The following SNX11 variants were observed in gnomAD, a reference collection of about 807,000 sequenced individuals.
The protein encoded by SNX11 is sorting nexin-11.
SNX11 carries 19 observed loss-of-function variants against 30.7 expected under a neutral mutation model. The ratio of observed to expected loss-of-function variants is 0.62; its 90% CI spans 0.43 to 0.91. The LOEUF (loss-of-function observed/expected upper bound fraction) is 0.91, where lower values mean the gene tolerates loss of function less well. SNX11 is among the 40% of genes least tolerant of loss of function. The pLI is 0.00. For missense variants in SNX11, 302 were observed against 326.7 expected (o/e 0.92, Z 0.58); for synonymous variants, 112 against 119.0 (o/e 0.94, Z 0.38).
chr17:48,108,369 A>G (rs73332963), intron 1 of SNX11, among the ~76,000 whole-genome samples: 3 of 152,328 alleles, frequency 2.0e-5, no homozygotes, highest in Non-Finnish European at 2.9e-5. Flanking sequence ...TACCTGTGAT[A>G]TTTATAATTG....
chr17:48,122,396 TG>T lies in SNX11; in HGVS notation c.*892del, dbSNP rs1476957725. The T allele has an allele frequency of 6.5e-6, 1 of 153,390 alleles. No homozygotes were observed. The highest frequency in any genetic ancestry group is 2.4e-5 in the African/African-American group (1 of 41,446). 9.5% of individuals were successfully genotyped at this position (153,390 alleles called of 1,614,324 possible). A position where few individuals can be genotyped will look rare whatever the true frequency, so the allele number is the denominator to read the frequency against. On this transcript the variant is annotated 3_prime_UTR_variant, in exon 7 of 7. Transcript: ENST00000359238. ...GTCTCTGCTGTGTTGCGCAGTGCAG[TG>T]GGGTGCAAGGGCTTTGTTTCTGCCT...
Position 48,118,686 on chromosome 17 carries a change from T to C in SNX11, c.231-18T>C. On this transcript the variant is annotated intron_variant, in intron 4 of 6. Coordinates refer to ENST00000359238, the MANE Select transcript of SNX11 (RefSeq NM_013323.3). ...GATGTTACACTTATCATGGGTGTTA[T>C]ATCATGTGGCTGCACAGGCCTGTTC... 1.3e-6 allele frequency: 2 copies of C among 1,589,956 alleles called. No homozygotes were observed. The highest frequency in any genetic ancestry group is 8.6e-7 in the Non-Finnish European group (1 of 1,158,570).
chr17:48,112,473 A>G (rs1598330761), intron 2 of SNX11, 101 bp from the exon 3 acceptor site: 2 of 736,398 alleles, frequency 2.7e-6, no homozygotes, highest in Non-Finnish European at 4.8e-6. Flanking sequence ...GTTGGTGTTG[A>G]GTGAATGAAA....
At chr17:48,111,789 G>A (rs1225698248) in intron 1 of SNX11, among the ~76,000 whole-genome samples, 1 of 152,208 alleles carries the variant, frequency 6.6e-6, no homozygotes, top group Non-Finnish European at 1.5e-5. Context: ...CACGCTTTGG[G>A]GAGAGGTGGC....
At chr17:48,114,918 C>T (rs936418816) in intron 4 of SNX11, among the ~76,000 whole-genome samples, 1 of 151,522 alleles carries the variant, frequency 6.6e-6, no homozygotes, top group African/African-American at 2.4e-5. Context: ...CCACCCATCT[C>T]CACCTCCCAA....
intron 6 of SNX11, among the ~76,000 whole-genome samples, chr17:48,119,879 C>T (rs1006365395): frequency 6.6e-6 from 1 of 152,140 alleles, no homozygotes; most frequent in African/African-American, 2.4e-5. Flanking sequence ...TTCATCACCC[C>T]GAAAGAAACC....
chr17:48,118,823 C>T (rs1459079218), intron 5 of SNX11, 24 bp downstream of exon 5: 1 of 1,602,622 alleles, frequency 6.2e-7, no homozygotes, highest in Non-Finnish European at 8.5e-7. Flanking sequence ...ACGGCTGGTG[C>T]TGGCCACCAA....
upstream of SNX11, chr17:48,107,626 C>T (rs1257714783): frequency 6.6e-6 from 1 of 152,332 alleles, no homozygotes; most frequent in Non-Finnish European, 1.5e-5. Context: ...CGACTCCAGT[C>T]CGGGGCCTTG....
chr17:48,112,940 G>A, intron 3 of SNX11: 1 of 262,886 alleles, frequency 3.8e-6, no homozygotes, highest in Non-Finnish European at 7.4e-6. Flanking sequence ...GTTTCATCAT[G>A]TTGGCCAGGC....
intron 1 of SNX11, among the ~76,000 whole-genome samples, chr17:48,109,426 AT>A (rs754278136): frequency 1.4e-5 from 2 of 147,130 alleles, no homozygotes; most frequent in Non-Finnish European, 3.0e-5. Context: ...TGCCCAGCTA[AT>A]TTTTGTATTT....
intron 2 of SNX11, 128 bp downstream of exon 2, chr17:48,112,213 A>G: frequency 1.1e-6 from 1 of 885,938 alleles, no homozygotes; most frequent in South Asian, 1.3e-5. Context: ...TGATGAGCTC[A>G]GAATAAAGTC....
chr17:48,122,837 CA>C lies in SNX11; in HGVS notation c.*1330del, dbSNP rs1179409577. ...TTCCTTTCATAAATCATGAATTTAT[CA>C]GTGTGGAAATAATGCTTCAGAACTG... On this transcript the variant is annotated 3_prime_UTR_variant, in exon 7 of 7. Coordinates refer to ENST00000359238, the MANE Select transcript of SNX11 (RefSeq NM_013323.3). 6.6e-6 allele frequency: 1 copy of C among 152,156 alleles called. No homozygotes were observed. Among genetic ancestry groups the C allele is most frequent in the African/African-American group, 2.4e-5 (1 of 41,430 alleles). 9.4% of individuals were successfully genotyped at this position (152,156 alleles called of 1,614,324 possible).
intron 1 of SNX11, among the ~76,000 whole-genome samples, chr17:48,110,039 C>A (rs993221837): frequency 6.6e-6 from 1 of 151,930 alleles, no homozygotes; most frequent in Non-Finnish European, 1.5e-5. Context: ...TCGTCTTTCC[C>A]GTTGTTAGTT....
At position 48,118,695 on chromosome 17, in the gene SNX11, G is replaced by A; in HGVS notation, c.231-9G>A. 3 of 1,608,156 alleles carry A rather than the reference G, an allele frequency of 1.9e-6. No individual in the cohort carries two copies. The highest frequency in any genetic ancestry group is 1.7e-6 in the Non-Finnish European group (2 of 1,174,962). On this transcript the variant is annotated splice_polypyrimidine_tract_variant and intron_variant, in intron 4 of 6. Transcript: ENST00000359238. Reference sequence around the variant, plus strand: ...CTTATCATGGGTGTTATATCATGTGGCTGCACAGGCCTGTTCCTGAACTTC... The same window carrying A: ...CTTATCATGGGTGTTATATCATGTGACTGCACAGGCCTGTTCCTGAACTTC...
intron 4 of SNX11, among the ~76,000 whole-genome samples, chr17:48,114,435 T>C (rs2063523217): frequency 6.6e-6 from 1 of 150,466 alleles, no homozygotes; most frequent in African/African-American, 2.4e-5. Context: ...ATTATAGGCG[T>C]GAGGCACCAT....
upstream of SNX11, chr17:48,107,709 G>C (rs11556180): frequency 9.2e-5 from 14 of 152,324 alleles, no homozygotes; most frequent in Admixed American, 9.2e-4. Flanking sequence ...GGGCGTCCCG[G>C]GCACCCGGGA....
intron 4 of SNX11, among the ~76,000 whole-genome samples, chr17:48,117,400 G>A (rs1443865574): frequency 2.0e-5 from 3 of 151,594 alleles, no homozygotes; most frequent in Non-Finnish European, 4.4e-5. Flanking sequence ...GACTACAGGC[G>A]CCCGCCACCA....
At position 48,112,674 on chromosome 17, in the gene SNX11, G is replaced by A; in HGVS notation, c.129+14G>A. The A allele has an allele frequency of 1.3e-6, 2 of 1,581,848 alleles. No homozygotes were observed. Among genetic ancestry groups the A allele is most frequent in the Non-Finnish European group, 1.7e-6 (2 of 1,151,742 alleles). The stretch of plus-strand genomic sequence containing the variant: ...ATATTCCTCCATGTGAGTACATCAA[G>A]CTTCTGTATTGGGGTCAGCGCTCTG... On this transcript the variant is annotated intron_variant, in intron 3 of 6. Coordinates refer to ENST00000359238, the MANE Select transcript of SNX11 (RefSeq NM_013323.3).
intron 6 of SNX11, among the ~76,000 whole-genome samples, chr17:48,120,861 G>C (rs1370941982): frequency 6.6e-6 from 1 of 150,648 alleles, no homozygotes; most frequent in African/African-American, 2.4e-5. Context: ...TACCCAGGTT[G>C]GTCTCCACCT....
Sources: allele counts gnomAD v4.1 joint callset (sites outside exome capture counted in the v4.1 genomes callset), GRCh38; gene constraint gnomAD v4.1.1; transcripts MANE v1.5; gene names NCBI Gene and HGNC (gene_info 2026-07-23, HGNC 2026-07-21).